The following PSD variants were observed in gnomAD, a reference collection of about 807,000 sequenced individuals.
PSD encodes the protein PH and SEC7 domain-containing protein 1.
In PSD, 32 loss-of-function variants were observed where a neutral mutation model predicts 91.6. That is an observed-to-expected ratio of 0.35 (90% CI 0.26 to 0.47). The LOEUF (loss-of-function observed/expected upper bound fraction) is 0.47, where lower values mean the gene tolerates loss of function less well. Among genes scored for constraint, PSD ranks in the 20% least tolerant of loss-of-function variants. PSD has a pLI of 1.00. For missense variants in PSD, 1,099 were observed against 1,373.9 expected, an observed-to-expected ratio of 0.80 and a Z score of 3.16; for synonymous variants, 532 against 569.3, an observed-to-expected ratio of 0.93 and a Z score of 0.93.
chr10:102,418,079 A>G (rs1020438837), intron 1 of PSD, among the ~76,000 whole-genome samples: 33 of 151,440 alleles, frequency 2.2e-4, no homozygotes, highest in African/African-American at 8.0e-4. Flanking sequence ...ACACACACAC[A>G]CACACACACA....
rs147590698 is a variant in PSD, at chr10:102,415,165, C to T, written c.822G>A (p.Gly274=). The part of the protein sequence containing the change: ...PPGVGSRQGS[G]VAVGRAAKYS... ...ACTTGGCTGCTCGCCCCACAGCCAC[C>T]CCAGAGCCCTGCCTTGAGCCCACCC... The change falls in exon 4 of 17, where the codon GGG becomes GGA. Residue 274 remains glycine (G), a synonymous_variant. Transcript: ENST00000020673. 1.9e-6 allele frequency: 3 copies of T among 1,613,238 alleles called. No homozygotes were observed. Among genetic ancestry groups the T allele is most frequent in the Non-Finnish European group, 2.5e-6 (3 of 1,179,992 alleles).
Position 102,403,214 on chromosome 10 carries a change from G to T in PSD, c.3061C>A (p.Arg1021=), listed in dbSNP as rs751519929. 7 of 1,569,666 alleles carry T rather than the reference G, an allele frequency of 4.5e-6. No individual in the cohort carries two copies. The highest frequency in any genetic ancestry group is 6.1e-6 in the Non-Finnish European group (7 of 1,154,220). ...TAAACCTCATCTCAGGGCTTCCGCC[G>T]CCCACTGCCTGCCCCTGGCCGAGGC... ...SEPRPGAGSG[R]RKP Residue 1021 remains arginine, a synonymous_variant, in exon 17 of 17, where the codon CGG becomes AGG. Transcript: ENST00000020673. The surrounding 1 kb of genome is among the most constrained non-coding windows in gnomAD (Gnocchi z 6.7).
chr10:102,416,221 G>T lies in PSD; in HGVS notation c.655-102C>A. The T allele has an allele frequency of 8.3e-7, 1 of 1,198,378 alleles. No homozygotes were observed. The highest frequency in any genetic ancestry group is 1.2e-6 in the Non-Finnish European group (1 of 841,178). The allele number at this position is 1,198,378 out of a possible 1,614,324, so 74.2% of individuals were successfully genotyped here. On this transcript the variant is annotated intron_variant, in intron 2 of 16. Coordinates refer to ENST00000020673, the MANE Select transcript of PSD (RefSeq NM_002779.5). The surrounding 1 kb of genome is among the most constrained non-coding windows in gnomAD (Gnocchi z 6.0). ...AGAAATTAAAACATGCATCGACAGA[G>T]ATGGAGGTTCAGAGACACAGAGACA...
At position 102,409,431 on chromosome 10, in the gene PSD, C is replaced by T. The variant is rs979865654; in HGVS notation, c.2091+1427G>A. On this transcript the variant is annotated intron_variant, in intron 10 of 16. Transcript: ENST00000020673. This position sits in a 1 kb window ranked among gnomAD's most constrained non-coding sequence, Gnocchi z 5.7. ...CTGGGGAGGCCAGCGTGGGTGGCAG[C>T]TCCAGGGAGGCTGAGAGCACCGCTA... 18 of 797,160 alleles carry T rather than the reference C, an allele frequency of 2.3e-5. No individual in the cohort carries two copies. The highest frequency in any genetic ancestry group is 2.6e-5 in the Non-Finnish European group (17 of 657,996). 49.4% of individuals were successfully genotyped at this position (797,160 alleles called of 1,614,324 possible). A position where few individuals can be genotyped will look rare whatever the true frequency, so the allele number is the denominator to read the frequency against.
rs1449457549 is a variant in PSD at position 102,413,827 on chromosome 10, G to C, written c.1495C>G (p.Pro499Ala). 10 of 1,613,986 alleles carry C rather than the reference G, an allele frequency of 6.2e-6. No individual in the cohort carries two copies. Among genetic ancestry groups the C allele is most frequent in the Non-Finnish European group, 7.6e-6 (9 of 1,179,984 alleles). Residue 499 changes from proline (P) to alanine (A), a missense_variant, in exon 5 of 17, where the codon CCC becomes GCC. Physicochemically the swap from Pro to Ala is conservative, Grantham distance 27. Around this residue, in one of 3 missense-constraint regions of PSD, gnomAD observed 631 missense variants for 728.8 expected, o/e 0.87. Transcript: ENST00000020673. Reference protein sequence around the residue: ...ARAKLAPGREPPSPCHSEDSL... With the variant: ...ARAKLAPGREAPSPCHSEDSL... Reference sequence around the variant, plus strand: ...TCCTCTGAGTGGCAGGGACTAGGGGGCTCCCTCCCTGGGGCCAGCTTGGCT... The same window carrying C: ...TCCTCTGAGTGGCAGGGACTAGGGGCCTCCCTCCCTGGGGCCAGCTTGGCT...
Position 102,411,779 on chromosome 10 carries a change from C to G in PSD, c.1870G>C (p.Glu624Gln), listed in dbSNP as rs1220207310. ...KELALMGETQ[E>Q]RERVLAHFSQ... is the part of the protein sequence containing the mutation. ...AAGTGGGCCAGCACGCGCTCTCGTT[C>G]CTGGGTCTCACCCATTAAGGCCAGC... Residue 624 changes from glutamate to glutamine, a missense_variant, in exon 8 of 17, where the codon GAA becomes CAA. Transcript: ENST00000020673. The G allele has an allele frequency of 1.2e-6, 2 of 1,613,610 alleles. No homozygotes were observed. The highest frequency in any genetic ancestry group is 3.3e-5 in the Admixed American group (2 of 59,982).
Position 102,403,367 on chromosome 10 carries a change from G to C in PSD, c.2908C>G (p.Leu970Val), listed in dbSNP as rs761375609. 1.9e-6 allele frequency: 3 copies of C among 1,613,952 alleles called. No homozygotes were observed. Among genetic ancestry groups the C allele is most frequent in the Non-Finnish European group, 2.5e-6 (3 of 1,180,018 alleles). Residue 970 changes from leucine to valine, a missense_variant, in exon 17 of 17, where the codon CTG becomes GTG. Physicochemically the swap from Leu to Val is conservative, Grantham distance 32. Coordinates refer to ENST00000020673, the MANE Select transcript of PSD (RefSeq NM_002779.5). This position sits in a 1 kb window ranked among gnomAD's most constrained non-coding sequence, Gnocchi z 6.7. ...GCCAGTGCTGCCTCCACTGCATCCA[G>C]CTCCTCACTGCCTGCCTTCAGCTTG... Reference protein sequence around the residue: ...RVKLKAGSEELDAVEAALAQA... With the variant: ...RVKLKAGSEEVDAVEAALAQA...
intron 8 of PSD, among the ~76,000 whole-genome samples, chr10:102,411,497 A>G (rs936061564): frequency 6.6e-6 from 1 of 152,198 alleles, no homozygotes; most frequent in Non-Finnish European, 1.5e-5. Flanking sequence ...CAACACACTC[A>G]ACCCTAGCAA....
chr10:102,405,115 C>T lies in PSD; in HGVS notation c.2398-60G>A. The T allele has an allele frequency of 6.2e-7, 1 of 1,610,082 alleles. No homozygotes were observed. Among genetic ancestry groups the T allele is most frequent in the East Asian group, 2.2e-5 (1 of 44,820 alleles). On this transcript the variant is annotated intron_variant, in intron 13 of 16. Coordinates refer to ENST00000020673, the MANE Select transcript of PSD (RefSeq NM_002779.5). The surrounding 1 kb of genome is among the most constrained non-coding windows in gnomAD (Gnocchi z 5.4). ...GCAGCCTGGCCCAGCCCCTCCTATT[C>T]CCACCCATCACCCCACACCCACCAG...
At chr10:102,412,606 G>A in intron 5 of PSD, 31 bp from the exon 6 acceptor site, 2 of 1,587,324 alleles carry the variant, frequency 1.3e-6, no homozygotes, top group South Asian at 1.1e-5. Context: ...CTCAGGCTGG[G>A]GCAGGGTCCT....
Position 102,414,456 on chromosome 10 carries a change from G to A in PSD, c.1125-259C>T, listed in dbSNP as rs989428298. ...CCTTTCTCCTCCTTTTCCGTGATCC[G>A]CTTCCCTTCTGCCATCCCATTTCTA... On this transcript the variant is annotated intron_variant, in intron 4 of 16. Coordinates refer to ENST00000020673, the MANE Select transcript of PSD (RefSeq NM_002779.5). This position sits in a 1 kb window ranked among gnomAD's most constrained non-coding sequence, Gnocchi z 5.6. 1.3e-5 allele frequency among the ~76,000 whole-genome samples: 2 copies of A among 150,882 alleles called. No homozygotes were observed. Among genetic ancestry groups the A allele is most frequent in the East Asian group, 2.0e-4 (1 of 5,098 alleles).
In PSD at chr10:102,416,228, G is replaced by T; in HGVS notation, c.655-109C>A. The T allele has an allele frequency of 8.3e-7, 1 of 1,203,752 alleles. No homozygotes were observed. Among genetic ancestry groups the T allele is most frequent in the Non-Finnish European group, 1.2e-6 (1 of 847,078 alleles). The allele number at this position is 1,203,752 out of a possible 1,614,324, so 74.6% of individuals were successfully genotyped here. ...AAAACATGCATCGACAGAGATGGAG[G>T]TTCAGAGACACAGAGACAAACACAG... On this transcript the variant is annotated intron_variant, in intron 2 of 16. Coordinates refer to ENST00000020673, the MANE Select transcript of PSD (RefSeq NM_002779.5). This position sits in a 1 kb window ranked among gnomAD's most constrained non-coding sequence, Gnocchi z 6.0.
At chr10:102,407,412 A>C in intron 10 of PSD, 146 bp from the exon 11 acceptor site, 2 of 514,612 alleles carry the variant, frequency 3.9e-6, no homozygotes, top group Non-Finnish European at 6.7e-6. Context: ...AGGCTCCAGA[A>C]TGGAGACCCA....
upstream of PSD, chr10:102,419,743 A>G (rs151305598): frequency 3.4e-3 from 559 of 164,612 alleles, 4 homozygotes; most frequent in African/African-American, 0.011. This position sits in a 1 kb window ranked among gnomAD's most constrained non-coding sequence, Gnocchi z 4.8. Flanking sequence ...GGCGCGAACA[A>G]AGAGGGGAGG....
chr10:102,407,204 A>G lies in PSD; in HGVS notation c.2135+19T>C. ...CCCCATGCCCCATCCTAGCCCCACC[A>G]CGCAGCCCCGGGACTCACATGGCCC... is the stretch of plus-strand genomic sequence containing the variant. On this transcript the variant is annotated intron_variant, in intron 11 of 16. Coordinates refer to ENST00000020673, the MANE Select transcript of PSD (RefSeq NM_002779.5). 1 of 1,590,842 alleles carries G rather than the reference A, an allele frequency of 6.3e-7. No homozygotes were observed. Among genetic ancestry groups the G allele is most frequent in the Non-Finnish European group, 8.6e-7 (1 of 1,169,196 alleles).
Position 102,410,651 on chromosome 10 carries a change from C to G in PSD, c.2091+207G>C, listed in dbSNP as rs575735079. Among the ~76,000 whole-genome samples the G allele has an allele frequency of 1.3e-5, 2 of 152,336 alleles. No homozygotes were observed. The highest frequency in any genetic ancestry group is 6.5e-5 in the Admixed American group (1 of 15,314). On this transcript the variant is annotated intron_variant, in intron 10 of 16. Transcript: ENST00000020673. The surrounding 1 kb of genome is among the most constrained non-coding windows in gnomAD (Gnocchi z 6.0). ...CCCGCCGTGCGCAGTCGCGACCGCA[C>G]GCATGTGCGCATGTTCCGGGAGAGC...
At position 102,404,970 on chromosome 10, in the gene PSD, C is replaced by G; in HGVS notation, c.2483G>C (p.Ser828Thr). ...SIHHALATRA[S>T]DYSKRPHVFY... ...GACGTGGGGCCTCTTGCTGTAGTCA[C>G]TGGCACGAGTGGCCAGGGCATGGTG... Residue 828 changes from serine (S) to threonine (T), a missense_variant, in exon 14 of 17, where the codon AGT becomes ACT. Ser to Thr is a moderately conservative substitution (Grantham distance 58, BLOSUM62 1). Transcript: ENST00000020673. This position sits in a 1 kb window ranked among gnomAD's most constrained non-coding sequence, Gnocchi z 5.7. 1.2e-6 allele frequency: 2 copies of G among 1,614,140 alleles called. No individual in the cohort carries two copies. Among genetic ancestry groups the G allele is most frequent in the Non-Finnish European group, 1.7e-6 (2 of 1,179,996 alleles).
Position 102,403,501 on chromosome 10 carries a change from G to A in PSD, c.2845-71C>T. On this transcript the variant is annotated intron_variant, in intron 16 of 16. Coordinates refer to ENST00000020673, the MANE Select transcript of PSD (RefSeq NM_002779.5). The surrounding 1 kb of genome is among the most constrained non-coding windows in gnomAD (Gnocchi z 6.7). ...TGCCCACCCCACCATCTGGACCAGGGAGGGCCGCCAGCAGGGCAGAAGATG... is the reference window on the plus strand; with the variant it reads ...TGCCCACCCCACCATCTGGACCAGGAAGGGCCGCCAGCAGGGCAGAAGATG... 2 of 1,427,286 alleles carry A rather than the reference G, an allele frequency of 1.4e-6. No homozygotes were observed. The highest frequency in any genetic ancestry group is 1.9e-6 in the Non-Finnish European group (2 of 1,060,934). The allele number at this position is 1,427,286 out of a possible 1,614,324, so 88.4% of individuals were successfully genotyped here.
intron 1 of PSD, 56 bp downstream of exon 1, chr10:102,418,645 C>A (rs531055489): frequency 4.5e-6 from 2 of 447,120 alleles, no homozygotes; most frequent in South Asian, 1.6e-5. Flanking sequence ...GGAAGCTCAA[C>A]GGGGTCCCAG....
Sources: allele counts gnomAD v4.1 joint callset (sites outside exome capture counted in the v4.1 genomes callset), GRCh38; gene constraint gnomAD v4.1.1; regional missense constraint gnomAD v4.1.1; non-coding constraint Gnocchi (gnomAD v3.1); transcripts MANE v1.5; gene names NCBI Gene and HGNC (gene_info 2026-07-23, HGNC 2026-07-21).